The following SRCIN1 variants were observed in gnomAD, a reference collection of about 807,000 sequenced individuals.
The protein encoded by SRCIN1 is P130Cas-associated protein.
Under a neutral mutation model 116.2 loss-of-function variants are expected in SRCIN1, and 50 were observed. The ratio of observed to expected loss-of-function variants is 0.43; its 90% CI spans 0.34 to 0.54. The LOEUF (loss-of-function observed/expected upper bound fraction) is 0.54, where lower values mean the gene tolerates loss of function less well. Among genes scored for constraint, SRCIN1 ranks in the 20% least tolerant of loss-of-function variants. The pLI is 0.02. For missense variants in SRCIN1, 1,446 were observed against 1,672.0 expected (o/e 0.86, Z 2.36); for synonymous variants, 736 against 750.0 (o/e 0.98, Z 0.30).
intron 1 of SRCIN1, among the ~76,000 whole-genome samples, chr17:38,588,974 C>T (rs1354271174): frequency 6.6e-6 from 1 of 152,198 alleles, no homozygotes; most frequent in Non-Finnish European, 1.5e-5. Flanking sequence ...GCCGCTAGAA[C>T]CAGCAGGATT....
At chr17:38,548,764 C>T in intron 16 of SRCIN1, 55 bp from the exon 17 acceptor site, 5 of 1,499,262 alleles carry the variant, frequency 3.3e-6, no homozygotes, top group African/African-American at 1.4e-5. Flanking sequence ...TCAGCACCAG[C>T]TCACCTCCCA....
Position 38,533,364 on chromosome 17 carries a change from G to C in SRCIN1, c.3485C>G (p.Ser1162Trp). The C allele has an allele frequency of 1.9e-6, 3 of 1,609,722 alleles. No individual in the cohort carries two copies. The highest frequency in any genetic ancestry group is 1.7e-6 in the Non-Finnish European group (2 of 1,178,262). ...TACAGGGATAGAGGTTCTGGAAGCC[G>C]AGGGCTTTTCTGAGACTGGGCTCGA... ...ETSSPVSEKP[S>W]ASRTSIPVLT... Residue 1162 changes from serine to tryptophan, a missense_variant, in exon 19 of 19, where the codon TCG (serine) becomes TGG (tryptophan). Ser to Trp is a radical substitution (Grantham distance 177, BLOSUM62 -3). This residue lies in a region of SRCIN1 where 531 missense variants were observed against 633.9 expected (regional missense o/e 0.84). Coordinates refer to ENST00000617146, the MANE Select transcript of SRCIN1 (RefSeq NM_025248.3).
intron 18 of SRCIN1, among the ~76,000 whole-genome samples, chr17:38,534,596 G>A (rs11658995): frequency 1.3e-5 from 2 of 152,022 alleles, no homozygotes; most frequent in South Asian, 2.1e-4. Flanking sequence ...GGGCAGGGTC[G>A]TTCACTTCCC....
chr17:38,536,483 C>T (rs1350643353), intron 18 of SRCIN1, among the ~76,000 whole-genome samples: 1 of 152,274 alleles, frequency 6.6e-6, no homozygotes, highest in East Asian at 1.9e-4. Flanking sequence ...CCAGAGGGCA[C>T]CACCCTGCAC....
Position 38,561,581 on chromosome 17 carries a change from G to C in SRCIN1, c.1582C>G (p.Arg528Gly). The C allele has an allele frequency of 6.2e-7, 1 of 1,601,628 alleles. No individual in the cohort carries two copies. The highest frequency in any genetic ancestry group is 8.5e-7 in the Non-Finnish European group (1 of 1,175,372). ...GCCGTCGAGGCGCTCCCCGCGCTGCGGGTCTTCCCTCCAGGACTCTCGGCA... is the reference window on the plus strand; with the variant it reads ...GCCGTCGAGGCGCTCCCCGCGCTGCCGGTCTTCCCTCCAGGACTCTCGGCA... ...VFAESPGGKTRSAGSASTAGA... is the reference protein window; with the variant it reads ...VFAESPGGKTGSAGSASTAGA... Residue 528 changes from arginine (R) to glycine (G), a missense_variant, in exon 7 of 19, where the codon CGC becomes GGC. Arg to Gly is a moderately radical substitution (Grantham distance 125). Transcript: ENST00000617146.
chr17:38,548,770 T>C, intron 16 of SRCIN1, 61 bp from the exon 17 acceptor site: 1 of 1,480,608 alleles, frequency 6.8e-7, no homozygotes, highest in Non-Finnish European at 8.9e-7. Context: ...CCAGCTCACC[T>C]CCCAGGCCCC....
At position 38,562,913 on chromosome 17, in the gene SRCIN1, G is replaced by T. The variant is rs767681698; in HGVS notation, c.748C>A (p.Gln250Lys). 5.0e-6 allele frequency: 8 copies of T among 1,613,368 alleles called. No individual in the cohort carries two copies. Among genetic ancestry groups the T allele is most frequent in the Non-Finnish European group, 5.9e-6 (7 of 1,179,668 alleles). Residue 250 changes from glutamine to lysine, a missense_variant, in exon 6 of 19, where the codon CAG (glutamine) becomes AAG (lysine). This residue lies in a region of SRCIN1 where 239 missense variants were observed against 317.7 expected (regional missense o/e 0.75). Coordinates refer to ENST00000617146, the MANE Select transcript of SRCIN1 (RefSeq NM_025248.3). The surrounding 1 kb of genome is among the most constrained non-coding windows in gnomAD (Gnocchi z 4.2). ...TAGATCTTGATAATACTGCGGTCCT[G>T]GATGTCCCTGGGAGAGGCGGGGAGA... ...FYELEDVRDI[Q>K]DRSIIKIYRK...
At chr17:38,576,258 TG>T in intron 2 of SRCIN1, among the ~76,000 whole-genome samples, 1 of 152,042 alleles carries the variant, frequency 6.6e-6, no homozygotes, top group Non-Finnish European at 1.5e-5. Flanking sequence ...CCCATGAAAT[TG>T]GCCATTACTT....
At chr17:38,600,158 C>T (rs1725152401) in intron 1 of SRCIN1, among the ~76,000 whole-genome samples, 2 of 152,204 alleles carry the variant, frequency 1.3e-5, no homozygotes, top group African/African-American at 4.8e-5. Flanking sequence ...TTTCCTCTGG[C>T]CCAGTCCTCC....
chr17:38,576,606 ATGG>A, intron 2 of SRCIN1, among the ~76,000 whole-genome samples: 1 of 151,966 alleles, frequency 6.6e-6, no homozygotes, highest in Non-Finnish European at 1.5e-5. Flanking sequence ...AGTGGTGCAT[ATGG>A]TGCCTTAAGA....
chr17:38,547,801 G>A, intron 17 of SRCIN1: 1 of 257,070 alleles, frequency 3.9e-6, no homozygotes. Context: ...GGGGCCCCAG[G>A]TCCTGGGGGG....
chr17:38,534,136 T>C (rs187491868), intron 18 of SRCIN1, among the ~76,000 whole-genome samples: 8 of 152,314 alleles, frequency 5.3e-5, no homozygotes, highest in African/African-American at 1.9e-4. Flanking sequence ...TGGTCAGTTC[T>C]AGTGGTCAGA....
chr17:38,565,808 C>T (rs1253410442), intron 3 of SRCIN1, among the ~76,000 whole-genome samples: 1 of 152,200 alleles, frequency 6.6e-6, no homozygotes, highest in East Asian at 1.9e-4. Flanking sequence ...GGAGCTTCCC[C>T]TCTCAAGCAT....
intron 1 of SRCIN1, among the ~76,000 whole-genome samples, chr17:38,579,283 C>T (rs1220509337): frequency 6.6e-6 from 1 of 152,204 alleles, no homozygotes; most frequent in East Asian, 1.9e-4. Context: ...TGCCTCCTCC[C>T]TCAGACTAGC....
At chr17:38,574,326 C>T (rs1907269109) in intron 2 of SRCIN1, among the ~76,000 whole-genome samples, 1 of 152,178 alleles carries the variant, frequency 6.6e-6, no homozygotes, top group Non-Finnish European at 1.5e-5. Context: ...CCATAACGGA[C>T]ACTGAAGCCT....
rs1024880147 is a variant in SRCIN1, at chr17:38,559,575, G to A, written c.2025+10C>T. Reference sequence around the variant, plus strand: ...GCGTTGGTGGGGCGGGGCCCAGGACGGGGCGGTACCTGGAGCTTGCGCAAC... The same window carrying A: ...GCGTTGGTGGGGCGGGGCCCAGGACAGGGCGGTACCTGGAGCTTGCGCAAC... On this transcript the variant is annotated intron_variant, in intron 10 of 18. Coordinates refer to ENST00000617146, the MANE Select transcript of SRCIN1 (RefSeq NM_025248.3). The A allele has an allele frequency of 1.7e-5, 27 of 1,596,846 alleles. No homozygotes were observed. The highest frequency in any genetic ancestry group is 8.0e-5 in the African/African-American group (6 of 74,700).
At chr17:38,533,505 T>G (rs1049474836) in intron 18 of SRCIN1, 74 bp from the exon 19 acceptor site, 70 of 1,335,496 alleles carry the variant, frequency 5.2e-5, no homozygotes, top group Non-Finnish European at 6.0e-5. Flanking sequence ...GCTGAAGTTT[T>G]AAAAGTGGAA....
intron 2 of SRCIN1, among the ~76,000 whole-genome samples, chr17:38,571,860 T>C (rs1907098083): frequency 6.6e-6 from 1 of 152,078 alleles, no homozygotes; most frequent in South Asian, 2.1e-4. Flanking sequence ...AAACAGCTTC[T>C]TCTCTCTGGG....
chr17:38,551,289 T>A lies in SRCIN1; in HGVS notation c.2828A>T (p.Lys943Met), dbSNP rs762688910. ...LLEETQAELL[K>M]AIPDLDCASK... ...GGCACAGTCCAGGTCAGGGATGGCCTTGAGCAGCTCTGCCTGTGTCTCTTC... is the reference window on the plus strand; with the variant it reads ...GGCACAGTCCAGGTCAGGGATGGCCATGAGCAGCTCTGCCTGTGTCTCTTC... The change falls in exon 15 of 19, where the codon AAG becomes ATG. Residue 943 changes from lysine (K) to methionine (M), a missense_variant. This residue lies in a region of SRCIN1 where 531 missense variants were observed against 633.9 expected (regional missense o/e 0.84). Coordinates refer to ENST00000617146, the MANE Select transcript of SRCIN1 (RefSeq NM_025248.3). The A allele has an allele frequency of 6.2e-7, 1 of 1,613,884 alleles. No individual in the cohort carries two copies. The highest frequency in any genetic ancestry group is 1.7e-5 in the Admixed American group (1 of 60,030).
Sources: gnomAD v4.1 joint callset for allele counts (sites outside exome capture counted in the v4.1 genomes callset) on GRCh38, gnomAD v4.1.1 for gene constraint, gnomAD v4.1.1 regional missense constraint, Gnocchi (gnomAD v3.1) non-coding constraint, MANE v1.5 for transcripts, NCBI Gene and HGNC (gene_info 2026-07-23, HGNC 2026-07-21) for gene names.